The following HYDIN variants were observed in gnomAD, a reference collection of about 807,000 sequenced individuals.
HYDIN encodes axonemal central pair apparatus protein HYDIN.
Under a neutral mutation model 403.9 loss-of-function variants are expected in HYDIN, and 132 were observed. The ratio of observed to expected loss-of-function variants is 0.33; its 90% confidence interval spans 0.28 to 0.38. HYDIN has a LOEUF of 0.38. Ranked by LOEUF, HYDIN falls within the 10% of genes least tolerant of loss-of-function variation. The pLI, the probability that HYDIN is intolerant of heterozygous loss-of-function variation, is 1.00. For missense variants in HYDIN, 2,827 were observed against 5,009.5 expected, an observed-to-expected ratio of 0.56 and a Z score of 13.15; for synonymous variants, 1,202 against 1,891.7, an observed-to-expected ratio of 0.64 and a Z score of 9.46.
At chr16:71,089,820 A>T (rs1342822536) in intron 11 of HYDIN, among the ~76,000 whole-genome samples, 1 of 150,770 alleles carries the variant, frequency 6.6e-6, no homozygotes, top group Non-Finnish European at 1.5e-5. Flanking sequence ...GACTGTGGGG[A>T]GGTACTGTGG....
intron 18 of HYDIN, among the ~76,000 whole-genome samples, chr16:71,052,290 C>T (rs914581923): frequency 1.5e-4 from 23 of 151,540 alleles, no homozygotes; most frequent in Non-Finnish European, 2.9e-4. Context: ...GGTAGTGACA[C>T]TGAGATAGAT....
chr16:70,917,332 T>A (rs2076870954), intron 47 of HYDIN, among the ~76,000 whole-genome samples: 1 of 152,282 alleles, frequency 6.6e-6, no homozygotes, highest in African/African-American at 2.4e-5. Context: ...CCGACGCTAC[T>A]GATCTCAGAT....
intron 10 of HYDIN, among the ~76,000 whole-genome samples, chr16:71,109,694 G>C (rs1329332857): frequency 7.3e-6 from 1 of 136,848 alleles, no homozygotes; most frequent in East Asian, 2.0e-4. Flanking sequence ...ACAGAAGAAT[G>C]TCATGCAGAT....
chr16:70,942,988 A>G (rs1295885177), intron 42 of HYDIN, among the ~76,000 whole-genome samples: 1 of 152,074 alleles, frequency 6.6e-6, no homozygotes. Flanking sequence ...TTAACATAAA[A>G]ACTTTCTTGT....
At position 70,822,112 on chromosome 16, in the gene HYDIN, C is replaced by T. The variant is rs1171498664; in HGVS notation, c.14428-3540G>A. Among the ~76,000 whole-genome samples, 4 of 151,796 alleles carry T rather than the reference C, an allele frequency of 2.6e-5. No homozygotes were observed. The South Asian group carries it at 6.3e-4, about 24-fold the overall frequency. ...ATACATTTCATAGGGCAATAGTTGCCATAGATAATGATTCTTCTGATGGGT... is the reference window on the plus strand; with the variant it reads ...ATACATTTCATAGGGCAATAGTTGCTATAGATAATGATTCTTCTGATGGGT... On this transcript the variant is annotated intron_variant, in intron 83 of 85. Transcript: ENST00000393567.
chr16:71,211,826 C>G (rs534957277), intron 1 of HYDIN, among the ~76,000 whole-genome samples: 1 of 151,774 alleles, frequency 6.6e-6, no homozygotes, highest in African/African-American at 2.4e-5. Flanking sequence ...GCAGAAATAC[C>G]ATGAAAGGCT....
rs377085852 is a variant in HYDIN, at chr16:70,818,417, C to T, written c.14583G>A (p.Ser4861=). Residue 4861 remains serine (S), a synonymous_variant, in exon 84 of 86, where the codon TCG becomes TCA. Transcript: ENST00000393567. ...TCCGGCATTCCGTGGAGAAGGTCAC[C>T]GAGTAGGGCAGAGGGTTCTCCAACT... The part of the protein sequence containing the change: ...SIKLENPLPY[S]VTFSTECRMP... 5.9e-5 allele frequency: 95 copies of T among 1,613,048 alleles called. No individual in the cohort carries two copies. Among genetic ancestry groups the T allele is most frequent in the Non-Finnish European group, 7.4e-5 (87 of 1,179,614 alleles).
intron 47 of HYDIN, among the ~76,000 whole-genome samples, chr16:70,913,065 T>C (rs540365925): frequency 6.6e-6 from 1 of 152,282 alleles, no homozygotes; most frequent in East Asian, 1.9e-4. Flanking sequence ...ATTTTATTTA[T>C]CTCTTCAAAG....
intron 35 of HYDIN, among the ~76,000 whole-genome samples, chr16:70,971,169 TG>T (rs1198646856): frequency 2.0e-5 from 3 of 152,252 alleles, no homozygotes; most frequent in African/African-American, 7.2e-5. Flanking sequence ...AGGGCAAAAA[TG>T]CCAGGGAAAT....
At chr16:70,810,052 C>A (rs2035368995) in intron 84 of HYDIN, 45 bp from the exon 85 acceptor site, 2 of 1,559,488 alleles carry the variant, frequency 1.3e-6, no homozygotes, top group Non-Finnish European at 1.8e-6. Context: ...AAGGCTAATT[C>A]ATCACCTGCC....
chr16:71,156,745 G>A (rs2085784279), intron 6 of HYDIN, among the ~76,000 whole-genome samples: 1 of 151,592 alleles, frequency 6.6e-6, no homozygotes, highest in Non-Finnish European at 1.5e-5. Flanking sequence ...TTATTCTTCA[G>A]ATGATCTTTC....
At chr16:70,886,254 T>C (rs926653585) in intron 58 of HYDIN, among the ~76,000 whole-genome samples, 1 of 151,676 alleles carries the variant, frequency 6.6e-6, no homozygotes, top group African/African-American at 2.4e-5. Context: ...TCAGTTATAG[T>C]ACACGCACCT....
At chr16:71,197,542 T>C (rs1046624416) in intron 1 of HYDIN, among the ~76,000 whole-genome samples, 1 of 152,178 alleles carries the variant, frequency 6.6e-6, no homozygotes, top group Non-Finnish European at 1.5e-5. Flanking sequence ...AAAGATTTTA[T>C]TGTGAAATAT....
intron 6 of HYDIN, among the ~76,000 whole-genome samples, chr16:71,158,591 T>C (rs1321107134): frequency 4.5e-5 from 6 of 134,622 alleles, no homozygotes; most frequent in Non-Finnish European, 9.4e-5. Context: ...CTTTTTTTCA[T>C]AGAAAAAAAA....
chr16:70,931,187 G>A (rs1346968411), intron 45 of HYDIN, among the ~76,000 whole-genome samples: 1 of 146,440 alleles, frequency 6.8e-6, no homozygotes, highest in Admixed American at 6.8e-5. Context: ...TTTTGAATTG[G>A]GTTTTCTGTC....
At position 70,882,905 on chromosome 16, in the gene HYDIN, G is replaced by A; in HGVS notation, c.9980-10C>T. 3.8e-6 allele frequency: 6 copies of A among 1,585,070 alleles called. 1 individual carries two copies. In the South Asian group the frequency reaches 5.5e-5, roughly 15 times the overall value. The stretch of plus-strand genomic sequence containing the variant: ...TTTTCGGTCACGAAGGCTGGGGAGT[G>A]AAGGGGAGACCATGAGATGCTGCCT... On this transcript the variant is annotated splice_polypyrimidine_tract_variant and intron_variant, in intron 59 of 85. Coordinates refer to ENST00000393567, the MANE Select transcript of HYDIN (RefSeq NM_001270974.2).
At chr16:70,903,014 T>C (rs1597274782) in intron 52 of HYDIN, among the ~76,000 whole-genome samples, 2 of 140,504 alleles carry the variant, frequency 1.4e-5, no homozygotes, top group African/African-American at 2.8e-5. Flanking sequence ...TAGAGTGTAG[T>C]GGCATGATCA....
intron 8 of HYDIN, 139 bp from the exon 9 acceptor site, chr16:71,129,962 C>A (rs1188213777): frequency 2.9e-5 from 23 of 806,092 alleles, no homozygotes; most frequent in Non-Finnish European, 4.2e-5. Context: ...GAGTCTGTAA[C>A]CTGCTGCCCT....
At chr16:71,012,847 CTTTT>C (rs35998725) in intron 23 of HYDIN, among the ~76,000 whole-genome samples, 4 of 125,732 alleles carry the variant, frequency 3.2e-5, no homozygotes, top group East Asian at 4.6e-4. Context: ...AACCAGGTGG[CTTTT>C]TTTTTTTTTT....
Sources: gnomAD v4.1 joint callset for allele counts (sites outside exome capture counted in the v4.1 genomes callset) on GRCh38, gnomAD v4.1.1 for gene constraint, MANE v1.5 for transcripts, NCBI Gene and HGNC (gene_info 2026-07-23, HGNC 2026-07-21) for gene names.